PTPRA: variants seen among roughly 807,000 people sequenced by gnomAD.
The protein encoded by PTPRA is receptor-type tyrosine-protein phosphatase alpha.
A neutral mutation model predicts 104.8 loss-of-function variants in PTPRA; 25 were observed. That is an observed-to-expected ratio of 0.24 (90% CI 0.17 to 0.33). PTPRA has a LOEUF of 0.33. PTPRA is among the 10% of genes least tolerant of loss of function. The pLI, the probability that PTPRA is intolerant of heterozygous loss-of-function variation, is 1.00. For missense variants in PTPRA, 765 were observed against 1,015.3 expected, an observed-to-expected ratio of 0.75 and a Z score of 3.35; for synonymous variants, 323 against 368.9, an observed-to-expected ratio of 0.88 and a Z score of 1.43.
At chr20:2,900,331 C>T (rs2059184535) in intron 1 of PTPRA, among the ~76,000 whole-genome samples, 1 of 152,072 alleles carries the variant, frequency 6.6e-6, no homozygotes, top group South Asian at 2.1e-4. Context: ...CCTTTTTACT[C>T]ACCTTCCTGT....
chr20:2,993,104 T>C (rs958453190), intron 9 of PTPRA, among the ~76,000 whole-genome samples: 2 of 133,628 alleles, frequency 1.5e-5, no homozygotes, highest in Admixed American at 1.4e-4. Context: ...GGTAGGTAGA[T>C]TGATTGATTG....
intron 2 of PTPRA, among the ~76,000 whole-genome samples, chr20:2,940,793 C>T (rs994883500): frequency 2.0e-5 from 3 of 152,170 alleles, no homozygotes; most frequent in African/African-American, 7.2e-5. Context: ...CTTCATGGTA[C>T]GACAGCAGAG....
At chr20:2,924,643 G>A (rs961497361) in intron 2 of PTPRA, among the ~76,000 whole-genome samples, 14 of 152,212 alleles carry the variant, frequency 9.2e-5, no homozygotes, top group African/African-American at 3.4e-4. Context: ...GGTTGTGACT[G>A]GAAAGAGGTA....
chr20:3,025,518 A>C (rs540431177), intron 17 of PTPRA, among the ~76,000 whole-genome samples: 1 of 150,970 alleles, frequency 6.6e-6, no homozygotes, highest in East Asian at 2.0e-4. Context: ...GGGGAGGACC[A>C]CTTAGAGAAG....
intron 2 of PTPRA, 95 bp downstream of exon 2, chr20:2,923,380 C>A: frequency 1.1e-6 from 1 of 886,400 alleles, no homozygotes; most frequent in Non-Finnish European, 1.5e-6. Flanking sequence ...TGCTTCATTT[C>A]GTTTCTAAGC....
chr20:2,864,240 G>A, the PTPRA span: 1 of 1,614,228 alleles, frequency 6.2e-7, no homozygotes, highest in Non-Finnish European at 8.5e-7. The surrounding 1 kb of genome is among the most constrained non-coding windows in gnomAD (Gnocchi z 5.2). Context: ...ATGAAGAGGA[G>A]CAAACTGGCA....
intron 1 of PTPRA, among the ~76,000 whole-genome samples, chr20:2,906,975 G>T (rs944816659): frequency 2.6e-5 from 4 of 152,072 alleles, no homozygotes; most frequent in Admixed American, 1.3e-4. Flanking sequence ...GTGCATTAAG[G>T]TCCTAAAAAT....
At chr20:2,985,616 G>A (rs534511224) in intron 6 of PTPRA, among the ~76,000 whole-genome samples, 26 of 152,276 alleles carry the variant, frequency 1.7e-4, no homozygotes, top group Admixed American at 6.5e-5. Flanking sequence ...GCCAGGCCCT[G>A]TGGAATGAGG....
chr20:3,026,887 C>A, intron 18 of PTPRA, 107 bp downstream of exon 18: 2 of 1,067,906 alleles, frequency 1.9e-6, no homozygotes, highest in South Asian at 2.8e-5. Flanking sequence ...AGACAAGAAT[C>A]ATGGCATTGC....
chr20:2,864,688 G>A, the PTPRA span: 2 of 1,605,276 alleles, frequency 1.2e-6, no homozygotes, highest in Non-Finnish European at 1.7e-6. This position sits in a 1 kb window ranked among gnomAD's most constrained non-coding sequence, Gnocchi z 5.2. Context: ...GGGCGTGTGG[G>A]GCATGTGGGC....
chr20:2,992,840 C>T (rs2063240656), intron 9 of PTPRA, among the ~76,000 whole-genome samples: 1 of 152,190 alleles, frequency 6.6e-6, no homozygotes, highest in African/African-American at 2.4e-5. Context: ...TGCCTTTAAT[C>T]CTCGCACTTT....
intron 3 of PTPRA, among the ~76,000 whole-genome samples, chr20:2,953,044 T>C (rs1568667093): frequency 1.3e-5 from 2 of 152,198 alleles, no homozygotes; most frequent in African/African-American, 4.8e-5. Flanking sequence ...GAGTTCCTGC[T>C]TTCAATTCTT....
intron 19 of PTPRA, among the ~76,000 whole-genome samples, 198 bp from the exon 20 acceptor site, chr20:3,027,509 A>G (rs1235986542): frequency 6.6e-6 from 1 of 152,162 alleles, no homozygotes; most frequent in African/African-American, 2.4e-5. Context: ...TCCTAGCTCT[A>G]ATCCCTGTTC....
In PTPRA at chr20:2,991,220, G is replaced by A. The variant is rs182946666; in HGVS notation, c.738+2746G>A. On this transcript the variant is annotated intron_variant, in intron 9 of 23. Transcript: ENST00000399903. ...CTAAAAATACAAAAATTAGCCAGGC[G>A]TGGTGGCACGTGCCTGTAATCCCAG... Among the ~76,000 whole-genome samples the A allele has an allele frequency of 5.8e-4, 88 of 152,134 alleles. 1 individual carries two copies. In the East Asian group the frequency reaches 0.016, roughly 27 times the overall value.
chr20:2,944,528 G>T (rs541678590), intron 2 of PTPRA, among the ~76,000 whole-genome samples: 21 of 152,286 alleles, frequency 1.4e-4, no homozygotes, highest in African/African-American at 5.1e-4. Flanking sequence ...AGAGCCAAAT[G>T]ACAGCTGTAA....
chr20:2,922,450 C>T (rs1325737079), intron 1 of PTPRA, among the ~76,000 whole-genome samples: 1 of 152,150 alleles, frequency 6.6e-6, no homozygotes, highest in Non-Finnish European at 1.5e-5. Flanking sequence ...AGCAATTCTC[C>T]TGCCTCAGCC....
upstream of PTPRA, chr20:2,873,333 G>A (rs1375830720): frequency 3.9e-5 from 6 of 152,206 alleles, no homozygotes; most frequent in African/African-American, 1.2e-4. This position sits in a 1 kb window ranked among gnomAD's most constrained non-coding sequence, Gnocchi z 4.4. Flanking sequence ...AGGAGAACGT[G>A]CGACCGGGTT....
chr20:2,919,439 G>T (rs1351754008), intron 1 of PTPRA, among the ~76,000 whole-genome samples: 1 of 152,188 alleles, frequency 6.6e-6, no homozygotes, highest in Non-Finnish European at 1.5e-5. Flanking sequence ...ATTTCTGTGT[G>T]TTTTGAACTA....
intron 9 of PTPRA, among the ~76,000 whole-genome samples, chr20:2,991,753 A>G (rs2063187789): frequency 6.6e-6 from 1 of 152,246 alleles, no homozygotes; most frequent in Non-Finnish European, 1.5e-5. Context: ...TTGGGCCAGC[A>G]CTAGGGTAGT....
Sources: gnomAD v4.1 joint callset for allele counts (sites outside exome capture counted in the v4.1 genomes callset) on GRCh38, gnomAD v4.1.1 for gene constraint, Gnocchi (gnomAD v3.1) non-coding constraint, MANE v1.5 for transcripts, NCBI Gene and HGNC (gene_info 2026-07-23, HGNC 2026-07-21) for gene names.